The following HDGF variants were observed in gnomAD, a reference collection of about 807,000 sequenced individuals.
HDGF encodes the protein heparin binding growth factor.
A neutral mutation model predicts 30.0 loss-of-function variants in HDGF; 5 were observed. That is an observed-to-expected ratio of 0.17 (90% CI 0.09 to 0.35). The LOEUF is 0.35. HDGF is among the 10% of genes least tolerant of loss of function. HDGF has a pLI of 1.00. For missense variants in HDGF, 214 were observed against 302.8 expected, an observed-to-expected ratio of 0.71 and a Z score of 2.18; for synonymous variants, 133 against 112.7, an observed-to-expected ratio of 1.18 and a Z score of -1.14.
chr1:156,753,553 A>G (rs1651087282), upstream of HDGF, among the ~76,000 whole-genome samples: 1 of 152,152 alleles, frequency 6.6e-6, no homozygotes, highest in South Asian at 2.1e-4. Context: ...GTCATATTTT[A>G]TTCTATCTAT....
chr1:156,752,895 C>G (rs1651061759), upstream of HDGF, among the ~76,000 whole-genome samples: 1 of 152,140 alleles, frequency 6.6e-6, no homozygotes, highest in African/African-American at 2.4e-5. Context: ...GTTTCCTGAT[C>G]CTATTTCAAA....
chr1:156,752,164 G>C, upstream of HDGF: 2 of 1,551,672 alleles, frequency 1.3e-6, no homozygotes, highest in Middle Eastern at 1.7e-4. Context: ...GGCGCCGAGG[G>C]CGAGAGGAGT....
chr1:156,744,657 G>A (rs1424476772), intron 3 of HDGF: 8 of 693,568 alleles, frequency 1.2e-5, no homozygotes, highest in Middle Eastern at 4.6e-4. Context: ...CCACCCTCCC[G>A]CCTCGTCCTG....
Position 156,745,069 on chromosome 1 carries a change from C to G in HDGF, c.242G>C (p.Gly81Ala). The G allele has an allele frequency of 6.2e-7, 1 of 1,614,058 alleles. No homozygotes were observed. The highest frequency in any genetic ancestry group is 8.5e-7 in the Non-Finnish European group (1 of 1,180,022). Residue 81 changes from glycine (G) to alanine (A), a missense_variant, in exon 3 of 6, where the codon GGG becomes GCG. Gly to Ala is a moderately conservative substitution (Grantham distance 60, BLOSUM62 0). Transcript: ENST00000357325. ...GATCTCCCACAGCCCCTCGCTGAAC[C>G]CTTTCCTCTTGTTGGGCTTGCCAAA... Reference protein sequence around the residue: ...EKFGKPNKRKGFSEGLWEIEN... With the variant: ...EKFGKPNKRKAFSEGLWEIEN...
chr1:156,744,130 G>C (rs762829794), intron 4 of HDGF, 33 bp downstream of exon 4: 1 of 1,603,876 alleles, frequency 6.2e-7, no homozygotes, highest in Non-Finnish European at 8.5e-7. Context: ...GGAATGTTGA[G>C]GGGGGCCCAG....
chr1:156,758,547 C>T (rs1483451476), intron 2 of HDGF, among the ~76,000 whole-genome samples: 2 of 147,050 alleles, frequency 1.4e-5, no homozygotes, highest in East Asian at 2.0e-4. Context: ...GAGCTGAGAT[C>T]GCGCCACTGC....
intron 1 of HDGF, among the ~76,000 whole-genome samples, chr1:156,765,517 T>C (rs1651343471): frequency 8.1e-6 from 1 of 123,438 alleles, no homozygotes; most frequent in Admixed American, 9.1e-5. Flanking sequence ...CACACTTGCC[T>C]GGGCTGGAAT....
At chr1:156,751,952 G>C (rs552089817), upstream of HDGF, 15 of 1,263,382 alleles carry the variant, frequency 1.2e-5, no homozygotes, top group African/African-American at 1.7e-4. This position sits in a 1 kb window ranked among gnomAD's most constrained non-coding sequence, Gnocchi z 4.7. Flanking sequence ...GCCCGCGGTC[G>C]GTGGGTGCCC....
intron 1 of HDGF, among the ~76,000 whole-genome samples, chr1:156,761,792 C>G (rs1246296731): frequency 1.4e-5 from 2 of 147,442 alleles, no homozygotes; most frequent in Non-Finnish European, 3.0e-5. Flanking sequence ...ACTAAAAATA[C>G]AAAAATTAGC....
intron 2 of HDGF, among the ~76,000 whole-genome samples, chr1:156,757,550 T>C (rs1651173568): frequency 6.6e-6 from 1 of 151,742 alleles, no homozygotes; most frequent in African/African-American, 2.4e-5. Flanking sequence ...CCCAGCACTT[T>C]GGGAAGCCAA....
intron 3 of HDGF, chr1:156,744,654 C>T: frequency 1.3e-6 from 1 of 754,396 alleles, no homozygotes; most frequent in South Asian, 1.8e-5. Flanking sequence ...CCCCCACCCT[C>T]CCGCCTCGTC....
chr1:156,752,426 C>G (rs958855999), upstream of HDGF: 3 of 1,447,816 alleles, frequency 2.1e-6, no homozygotes, highest in South Asian at 1.2e-5. Context: ...GCTAGCTAAC[C>G]CCGCAAAGAT....
chr1:156,744,499 A>C (rs1571541792), intron 3 of HDGF, 151 bp from the exon 4 acceptor site: 1 of 1,535,738 alleles, frequency 6.5e-7, no homozygotes, highest in Non-Finnish European at 8.6e-7. Context: ...TTTGAGACCC[A>C]CCTCTGTCGG....
At chr1:156,747,901 G>C (rs533209982) in intron 1 of HDGF, among the ~76,000 whole-genome samples, 1 of 152,320 alleles carries the variant, frequency 6.6e-6, no homozygotes, top group African/African-American at 2.4e-5. Context: ...AGCACACTCA[G>C]AGGCAGATAG....
At chr1:156,754,949 A>AAAAAC (rs753362317), upstream of HDGF, among the ~76,000 whole-genome samples, 3 of 152,178 alleles carry the variant, frequency 2.0e-5, no homozygotes, top group Non-Finnish European at 2.9e-5. Flanking sequence ...CCTCCGTCTC[A>AAAAAC]AAAACAAAAC....
intron 1 of HDGF, chr1:156,750,820 G>C (rs1650916183): frequency 6.6e-6 from 1 of 152,328 alleles, no homozygotes; most frequent in South Asian, 2.0e-4. Context: ...TTTCCTAGAA[G>C]CGAACTCCGC....
upstream of HDGF, chr1:156,751,901 A>T (rs1023084401): frequency 5.0e-6 from 5 of 1,007,128 alleles, no homozygotes; most frequent in African/African-American, 5.1e-5. The surrounding 1 kb of genome is among the most constrained non-coding windows in gnomAD (Gnocchi z 4.7). Context: ...CGGCACAGGC[A>T]TAAGGAGCCG....
chr1:156,745,044 G>C lies in HDGF; in HGVS notation c.267C>G (p.Ile89Met). 2.5e-6 allele frequency: 4 copies of C among 1,614,002 alleles called. No individual in the cohort carries two copies. The highest frequency in any genetic ancestry group is 3.4e-6 in the Non-Finnish European group (4 of 1,180,018). The change falls in exon 3 of 6, where the codon ATC (isoleucine) becomes ATG (methionine). Residue 89 changes from isoleucine (I) to methionine (M), a missense_variant. By Grantham distance (10) the Ile-to-Met change is conservative (BLOSUM62 1). Around this residue, in one of 2 missense-constraint regions of HDGF, gnomAD observed 176 missense variants for 211.7 expected, o/e 0.83. Coordinates refer to ENST00000357325, the MANE Select transcript of HDGF (RefSeq NM_004494.3). The stretch of plus-strand genomic sequence containing the variant: ...AAGCCTTGACAGTAGGGTTGTTCTC[G>C]ATCTCCCACAGCCCCTCGCTGAACC... ...RKGFSEGLWE[I>M]ENNPTVKASG...
At chr1:156,754,415 G>A (rs1651121825), upstream of HDGF, among the ~76,000 whole-genome samples, 1 of 152,162 alleles carries the variant, frequency 6.6e-6, no homozygotes. Flanking sequence ...AATACAACCA[G>A]GGTTCCTTTT....
Sources: allele counts gnomAD v4.1 joint callset (sites outside exome capture counted in the v4.1 genomes callset), GRCh38; gene constraint gnomAD v4.1.1; regional missense constraint gnomAD v4.1.1; non-coding constraint Gnocchi (gnomAD v3.1); transcripts MANE v1.5; gene names NCBI Gene and HGNC (gene_info 2026-07-23, HGNC 2026-07-21).